The following NIPSNAP3B variants were observed in gnomAD, a reference collection of about 807,000 sequenced individuals.
The protein encoded by NIPSNAP3B is protein NipSnap homolog 3B.
NIPSNAP3B carries 30 observed loss-of-function variants against 31.5 expected under a neutral mutation model. That is an observed-to-expected ratio of 0.95 (90% CI 0.71 to 1.29). The LOEUF is 1.29. NIPSNAP3B is among the 50% of genes most tolerant of loss of function. The pLI is 0.00. For synonymous variants in NIPSNAP3B, 106 were observed against 107.9 expected (o/e 0.98, Z 0.11); for missense variants, 269 against 300.7 (o/e 0.89, Z 0.78).
chr9:104,778,883 T>TAACA (rs929749983), downstream of NIPSNAP3B, among the ~76,000 whole-genome samples: 2 of 152,180 alleles, frequency 1.3e-5, no homozygotes, highest in African/African-American at 4.8e-5. Context: ...CTTGTTGCAC[T>TAACA]AACAATAAAA....
the NIPSNAP3B span, among the ~76,000 whole-genome samples, chr9:104,785,945 G>C: frequency 6.6e-6 from 1 of 152,172 alleles, no homozygotes; most frequent in Non-Finnish European, 1.5e-5. Flanking sequence ...GCTCATAATT[G>C]GTAGGGCCAG....
chr9:104,785,019 G>A, the NIPSNAP3B span, among the ~76,000 whole-genome samples: 1 of 151,974 alleles, frequency 6.6e-6, no homozygotes, highest in Non-Finnish European at 1.5e-5. Context: ...TGGCACATAC[G>A]GTCTTGATTA....
the NIPSNAP3B span, among the ~76,000 whole-genome samples, chr9:104,789,252 A>G: frequency 6.6e-6 from 1 of 152,176 alleles, no homozygotes; most frequent in Admixed American, 6.5e-5. Context: ...TCACAGCTAT[A>G]CCAACCAAAT....
At chr9:104,783,920 A>T in the NIPSNAP3B span, 9,005 of 189,092 alleles carry the variant, frequency 0.048, 709 homozygotes, top group African/African-American at 0.18. Context: ...TTACCTTTTG[A>T]TTTTGATCAA....
intron 4 of NIPSNAP3B, among the ~76,000 whole-genome samples, chr9:104,772,606 T>C (rs1186744337): frequency 6.6e-6 from 1 of 152,202 alleles, no homozygotes; most frequent in Admixed American, 6.5e-5. Flanking sequence ...TAAGCTGTGT[T>C]TCTTTGCATT....
chr9:104,786,396 G>A, the NIPSNAP3B span: 21 of 1,613,246 alleles, frequency 1.3e-5, no homozygotes, highest in Admixed American at 2.3e-4. Context: ...CCATACTGCG[G>A]TAAAACAGAA....
At chr9:104,781,497 GAT>G (rs1340715319), downstream of NIPSNAP3B, 1 of 152,512 alleles carries the variant, frequency 6.6e-6, no homozygotes, top group Non-Finnish European at 1.5e-5. Flanking sequence ...TATTTTACCT[GAT>G]ATATACAACC....
At chr9:104,788,689 C>A in the NIPSNAP3B span, 1 of 1,271,894 alleles carries the variant, frequency 7.9e-7, no homozygotes, top group Non-Finnish European at 1.1e-6. Context: ...ACATCTGCTG[C>A]TACTTGAAAG....
Position 104,764,318 on chromosome 9 carries a change from G to A in NIPSNAP3B, c.60+18G>A. 1.3e-6 allele frequency: 2 copies of A among 1,568,250 alleles called. No homozygotes were observed. The highest frequency in any genetic ancestry group is 1.7e-6 in the Non-Finnish European group (2 of 1,158,718). On this transcript the variant is annotated intron_variant, in intron 1 of 5. Transcript: ENST00000374762. ...CGCCTCAGGTACTGGCCGCGGGGGC[G>A]CGCCCGAGCCCTGGCCGGAGGGGAG...
chr9:104,764,280 T>G lies in NIPSNAP3B; in HGVS notation c.40T>G (p.Ser14Ala), dbSNP rs1270064086. The change falls in exon 1 of 6, where the codon TCA becomes GCA. Residue 14 changes from serine (S) to alanine (A), a missense_variant. Coordinates refer to ENST00000374762, the MANE Select transcript of NIPSNAP3B (RefSeq NM_018376.4). ...AAGCGGCCTGACCAAGGCGCTTGCCTCACGGACGCTCGCGCCTCAGGTACT... is the reference window on the plus strand; with the variant it reads ...AAGCGGCCTGACCAAGGCGCTTGCCGCACGGACGCTCGCGCCTCAGGTACT... The part of the protein sequence containing the change: ...LRSGLTKALA[S>A]RTLAPQVCSS... 1 of 1,592,606 alleles carries G rather than the reference T, an allele frequency of 6.3e-7. No individual in the cohort carries two copies. The highest frequency in any genetic ancestry group is 8.5e-7 in the Non-Finnish European group (1 of 1,171,910).
chr9:104,780,088 ACCTG>A (rs1247052458), downstream of NIPSNAP3B, among the ~76,000 whole-genome samples: 1 of 152,172 alleles, frequency 6.6e-6, no homozygotes, highest in Non-Finnish European at 1.5e-5. Context: ...CATCTAAATT[ACCTG>A]CCTTTTTATT....
rs1340183856 is a variant in NIPSNAP3B, at chr9:104,773,748, T to G, written c.*675T>G. 6.6e-6 allele frequency: 1 copy of G among 152,202 alleles called. No individual in the cohort carries two copies. Among genetic ancestry groups the G allele is most frequent in the Non-Finnish European group, 1.5e-5 (1 of 68,010 alleles). The allele number at this position is 152,202 out of a possible 1,614,324, so 9.4% of individuals were successfully genotyped here. A position where few individuals can be genotyped will look rare whatever the true frequency, so the allele number is the denominator to read the frequency against. ...TTAATTTTACTAATTTCTACTTAGT[T>G]TGGATCACTAACAGAGATCTTGGGA... On this transcript the variant is annotated 3_prime_UTR_variant, in exon 6 of 6. Coordinates refer to ENST00000374762, the MANE Select transcript of NIPSNAP3B (RefSeq NM_018376.4).
the NIPSNAP3B span, chr9:104,786,285 T>C: frequency 0.072 from 114,773 of 1,602,912 alleles, 7,264 homozygotes; most frequent in East Asian, 0.37. Flanking sequence ...CCCAAAGAAA[T>C]TATCTTTATT....
intron 2 of NIPSNAP3B, among the ~76,000 whole-genome samples, 157 bp downstream of exon 2, chr9:104,766,692 T>C (rs1828097769): frequency 6.6e-6 from 1 of 152,126 alleles, no homozygotes; most frequent in Non-Finnish European, 1.5e-5. Context: ...CAGATCTTCT[T>C]CCCAGTGGTA....
rs1828276669 is a variant in NIPSNAP3B, at chr9:104,773,765, A to C, written c.*692A>C. 6.6e-6 allele frequency: 1 copy of C among 152,132 alleles called. No homozygotes were observed. The highest frequency in any genetic ancestry group is 6.5e-5 in the Admixed American group (1 of 15,274). The allele number at this position is 152,132 out of a possible 1,614,324, so 9.4% of individuals were successfully genotyped here. ...TACTTAGTTTGGATCACTAACAGAGATCTTGGGACATTTATTTGTTTTAAA... is the reference window on the plus strand; with the variant it reads ...TACTTAGTTTGGATCACTAACAGAGCTCTTGGGACATTTATTTGTTTTAAA... On this transcript the variant is annotated 3_prime_UTR_variant, in exon 6 of 6. Coordinates refer to ENST00000374762, the MANE Select transcript of NIPSNAP3B (RefSeq NM_018376.4).
intron 1 of NIPSNAP3B, 50 bp from the exon 2 acceptor site, chr9:104,766,275 T>C: frequency 6.7e-7 from 1 of 1,496,824 alleles, no homozygotes; most frequent in South Asian, 1.2e-5. Flanking sequence ...TGTAACCAAA[T>C]CTGTAATTGT....
chr9:104,764,901 C>G (rs566401065), intron 1 of NIPSNAP3B, among the ~76,000 whole-genome samples: 1 of 152,254 alleles, frequency 6.6e-6, no homozygotes, highest in East Asian at 1.9e-4. Context: ...CCCCGTGGCG[C>G]CAGCTGTTGC....
the NIPSNAP3B span, among the ~76,000 whole-genome samples, chr9:104,789,137 G>T: frequency 6.6e-6 from 1 of 152,172 alleles, no homozygotes; most frequent in Admixed American, 6.5e-5. Flanking sequence ...CATGAACTTG[G>T]CCTTCTGGCA....
the NIPSNAP3B span, chr9:104,788,035 C>T: frequency 2.6e-5 from 42 of 1,614,066 alleles, no homozygotes; most frequent in South Asian, 5.5e-5. Flanking sequence ...GCCCAGTTTC[C>T]GAATCGCCCA....
Sources: allele counts gnomAD v4.1 joint callset (sites outside exome capture counted in the v4.1 genomes callset), GRCh38; gene constraint gnomAD v4.1.1; transcripts MANE v1.5; gene names NCBI Gene and HGNC (gene_info 2026-07-23, HGNC 2026-07-21).